Variants in ARFRP1 observed in about 807,000 individuals in gnomAD.
ARFRP1 encodes ADP-ribosylation factor-related protein 1.
Under a neutral mutation model 30.3 loss-of-function variants are expected in ARFRP1, and 19 were observed. That is an observed-to-expected ratio of 0.63 (90% CI 0.44 to 0.92). ARFRP1 has a LOEUF of 0.92. ARFRP1 is among the 40% of genes least tolerant of loss of function. ARFRP1 has a pLI of 0.00. For missense variants in ARFRP1, 245 were observed against 267.5 expected, an observed-to-expected ratio of 0.92 and a Z score of 0.59; for synonymous variants, 133 against 114.2, an observed-to-expected ratio of 1.16 and a Z score of -1.05.
intron 6 of ARFRP1, 83 bp from the exon 7 acceptor site, chr20:63,700,785 T>C (rs2091167910): frequency 6.6e-7 from 1 of 1,519,626 alleles, no homozygotes; most frequent in South Asian, 1.2e-5. Flanking sequence ...GAAGGGCGTA[T>C]GCCCTTCACC....
In ARFRP1 at chr20:63,700,275, C is replaced by G. The variant is rs2091133012; in HGVS notation, c.*168G>C. On this transcript the variant is annotated 3_prime_UTR_variant, in exon 8 of 8. Transcript: ENST00000622789. ...ACTCCCCTCCAAAGCCTCCGGATGC[C>G]TACGCTTTTCCAGACATAGAGGAAA... is the stretch of plus-strand genomic sequence containing the variant. 1 of 1,059,988 alleles carries G rather than the reference C, an allele frequency of 9.4e-7. No individual in the cohort carries two copies. Among genetic ancestry groups the G allele is most frequent in the Admixed American group, 2.4e-5 (1 of 40,934 alleles). 65.7% of individuals were successfully genotyped at this position (1,059,988 alleles called of 1,614,324 possible). A position where few individuals can be genotyped will look rare whatever the true frequency, so the allele number is the denominator to read the frequency against.
intron 2 of ARFRP1, 33 bp from the exon 3 acceptor site, chr20:63,706,771 G>T: frequency 6.5e-7 from 1 of 1,534,054 alleles, no homozygotes; most frequent in Non-Finnish European, 9.0e-7. Context: ...AACACATCAA[G>T]GAGGGGCTAT....
chr20:63,702,050 G>A (rs1245798506), intron 5 of ARFRP1, 86 bp downstream of exon 5: 1 of 1,142,330 alleles, frequency 8.8e-7, no homozygotes, highest in Non-Finnish European at 1.2e-6. Flanking sequence ...ACCAGACACT[G>A]AGCCTGCCCC....
Position 63,699,952 on chromosome 20 carries a change from T to G in ARFRP1, c.*491A>C, listed in dbSNP as rs2145511928. 1 of 188,100 alleles carries G rather than the reference T, an allele frequency of 5.3e-6. No homozygotes were observed. The highest frequency in any genetic ancestry group is 1.1e-5 in the Non-Finnish European group (1 of 88,964). The allele number at this position is 188,100 out of a possible 1,614,324, so 11.7% of individuals were successfully genotyped here. On this transcript the variant is annotated 3_prime_UTR_variant, in exon 8 of 8. Transcript: ENST00000622789. ...GCCTTTGGGAACATGGCCTGGGTCT[T>G]CCTCAAGGCAAGATCAGCCCCAGAC...
intron 6 of ARFRP1, 90 bp from the exon 7 acceptor site, chr20:63,700,792 C>T: frequency 6.6e-7 from 1 of 1,510,430 alleles, no homozygotes; most frequent in Non-Finnish European, 8.9e-7. Flanking sequence ...GTATGCCCTT[C>T]ACCCCAGGGA....
intron 2 of ARFRP1, 34 bp downstream of exon 2, chr20:63,706,965 T>G: frequency 6.2e-7 from 1 of 1,610,924 alleles, no homozygotes; most frequent in Non-Finnish European, 8.5e-7. Flanking sequence ...CGCCAGGCCG[T>G]GGGAAAGGTG....
chr20:63,702,059 C>A, intron 5 of ARFRP1, 77 bp downstream of exon 5: 1 of 1,506,042 alleles, frequency 6.6e-7, no homozygotes, highest in South Asian at 1.1e-5. Context: ...TGAGCCTGCC[C>A]CAGGCACAGA....
At chr20:63,704,562 A>G (rs1410683262) in intron 4 of ARFRP1, 3 of 152,280 alleles carry the variant, frequency 2.0e-5, no homozygotes, top group African/African-American at 7.2e-5. Context: ...TTGGGAGGGC[A>G]CTCAAGGAAG....
intron 4 of ARFRP1, chr20:63,703,589 T>C (rs2091313852): frequency 6.6e-6 from 1 of 152,250 alleles, no homozygotes; most frequent in Admixed American, 6.5e-5. Context: ...TGTCTGCTGC[T>C]GACACAAGGG....
At position 63,706,435 on chromosome 20, in the gene ARFRP1, G is replaced by A; in HGVS notation, c.186C>T (p.Gly62=). ...KITTTVGLNI[G]TVDVGKARLM... ...GCCGAGCCTTTCCCACATCCACAGT[G>A]CCGACTGGGGAGAGGAGGAAACAGG... The change falls in exon 4 of 8, where the codon GGC becomes GGT. Residue 62 remains glycine (G), a synonymous_variant. Transcript: ENST00000622789. 1.9e-6 allele frequency: 3 copies of A among 1,613,306 alleles called. No individual in the cohort carries two copies. Among genetic ancestry groups the A allele is most frequent in the Non-Finnish European group, 2.5e-6 (3 of 1,179,968 alleles).
rs2091125135 is a variant in ARFRP1, at chr20:63,700,154, G to T, written c.*289C>A. 2.3e-6 allele frequency: 1 copy of T among 441,422 alleles called. No homozygotes were observed. The highest frequency in any genetic ancestry group is 2.1e-5 in the South Asian group (1 of 46,730). 27.3% of individuals were successfully genotyped at this position (441,422 alleles called of 1,614,324 possible). A position where few individuals can be genotyped will look rare whatever the true frequency, so the allele number is the denominator to read the frequency against. Reference sequence around the variant, plus strand: ...CACTGGAGCCCCAATTCCCAACCAGGTCTCCCTCAGACCCCCCAGAAAGGG... The same window carrying T: ...CACTGGAGCCCCAATTCCCAACCAGTTCTCCCTCAGACCCCCCAGAAAGGG... On this transcript the variant is annotated 3_prime_UTR_variant, in exon 8 of 8. Coordinates refer to ENST00000622789, the MANE Select transcript of ARFRP1 (RefSeq NM_001267547.3).
chr20:63,700,095 A>G lies in ARFRP1; in HGVS notation c.*348T>C. On this transcript the variant is annotated 3_prime_UTR_variant, in exon 8 of 8. Coordinates refer to ENST00000622789, the MANE Select transcript of ARFRP1 (RefSeq NM_001267547.3). Reference sequence around the variant, plus strand: ...CCACGGGGTCTCCCGAGGGTCCCACAGGGCTGTCCTCATGCAGCCCAAGCC... The same window carrying G: ...CCACGGGGTCTCCCGAGGGTCCCACGGGGCTGTCCTCATGCAGCCCAAGCC... 1 of 350,386 alleles carries G rather than the reference A, an allele frequency of 2.9e-6. No homozygotes were observed. Among genetic ancestry groups the G allele is most frequent in the Non-Finnish European group, 5.5e-6 (1 of 182,190 alleles). 21.7% of individuals were successfully genotyped at this position (350,386 alleles called of 1,614,324 possible). A position where few individuals can be genotyped will look rare whatever the true frequency, so the allele number is the denominator to read the frequency against.
chr20:63,700,346 A>G lies in ARFRP1; in HGVS notation c.*97T>C. 3 of 1,546,820 alleles carry G rather than the reference A, an allele frequency of 1.9e-6. No homozygotes were observed. The highest frequency in any genetic ancestry group is 2.6e-6 in the Non-Finnish European group (3 of 1,142,904). On this transcript the variant is annotated 3_prime_UTR_variant, in exon 8 of 8. Coordinates refer to ENST00000622789, the MANE Select transcript of ARFRP1 (RefSeq NM_001267547.3). ...AGTAAATAGAAGAACCCCAAAGCAA[A>G]GCAAACCCACCCCCCAGATCAGCAG...
intron 6 of ARFRP1, chr20:63,701,628 A>G (rs982562851): frequency 6.6e-5 from 40 of 603,972 alleles, no homozygotes; most frequent in Non-Finnish European, 1.1e-4. Context: ...CTGAGGTGGG[A>G]GAACCTCCAG....
At chr20:63,702,070 G>GCTGCCCAAGCTGGAC (rs2091241726) in intron 5 of ARFRP1, 66 bp downstream of exon 5, 3 of 1,490,766 alleles carry the variant, frequency 2.0e-6, no homozygotes, top group Non-Finnish European at 2.7e-6. Context: ...CAGGCACAGA[G>GCTGCCCAAGCTGGAC]CTGCCCAAGC....
In ARFRP1 at chr20:63,706,777, G is replaced by A. The variant is rs565614818; in HGVS notation, c.94-39C>T. 5.5e-5 allele frequency: 82 copies of A among 1,493,092 alleles called. No individual in the cohort carries two copies. The South Asian group carries it at 7.8e-4, about 14-fold the overall frequency. 92.5% of individuals were successfully genotyped at this position (1,493,092 alleles called of 1,614,324 possible). On this transcript the variant is annotated intron_variant, in intron 2 of 7. Coordinates refer to ENST00000622789, the MANE Select transcript of ARFRP1 (RefSeq NM_001267547.3). ...CAGAGGCGAAACACATCAAGGAGGGGCTATACTGGCTTCCAAATATCCTTA... is the reference window on the plus strand; with the variant it reads ...CAGAGGCGAAACACATCAAGGAGGGACTATACTGGCTTCCAAATATCCTTA...
rs962820333 is a variant in ARFRP1 at position 63,701,816 on chromosome 20, G to A, written c.417+14C>T. The A allele has an allele frequency of 1.2e-5, 19 of 1,549,766 alleles. No homozygotes were observed. The highest frequency in any genetic ancestry group is 3.5e-4 in the Middle Eastern group (2 of 5,718). On this transcript the variant is annotated intron_variant, in intron 6 of 7. Coordinates refer to ENST00000622789, the MANE Select transcript of ARFRP1 (RefSeq NM_001267547.3). ...ACTCGGGAAGCTGCTGCGGGAGGCA[G>A]GGGTGGGGCTCACCTCCACATCCTG... is the stretch of plus-strand genomic sequence containing the variant.
chr20:63,706,037 T>G, intron 4 of ARFRP1: 1 of 369,606 alleles, frequency 2.7e-6, no homozygotes, highest in Non-Finnish European at 5.2e-6. Context: ...TGCCGCACTC[T>G]GTCAACAGGT....
At chr20:63,700,791 T>G in intron 6 of ARFRP1, 89 bp from the exon 7 acceptor site, 1 of 1,512,948 alleles carries the variant, frequency 6.6e-7, no homozygotes, top group Non-Finnish European at 8.9e-7. Flanking sequence ...CGTATGCCCT[T>G]CACCCCAGGG....
Sources: allele counts gnomAD v4.1 joint callset, GRCh38; gene constraint gnomAD v4.1.1; transcripts MANE v1.5; gene names NCBI Gene and HGNC (gene_info 2026-07-23, HGNC 2026-07-21).